CFAP46: variants seen among roughly 807,000 people sequenced by gnomAD.
CFAP46 encodes the protein cilia and flagella associated protein 46, also known as cilia- and flagella-associated protein 46.
Under a neutral mutation model 325.7 loss-of-function variants are expected in CFAP46, and 245 were observed. The observed-to-expected ratio is 0.75, with a 90% CI of 0.68 to 0.84. The LOEUF is 0.84. CFAP46 is among the 40% of genes least tolerant of loss of function. The probability of loss-of-function intolerance (pLI) is 0.00; values close to 1 mark genes in which losing one functional copy is unlikely to be tolerated. For synonymous variants in CFAP46, 1,523 were observed against 1,495.9 expected, an observed-to-expected ratio of 1.02 and a Z score of -0.42; for missense variants, 3,346 against 3,543.0, an observed-to-expected ratio of 0.94 and a Z score of 1.41.
chr10:132,909,441 G>T (rs750062955), intron 20 of CFAP46, among the ~76,000 whole-genome samples, 197 bp from the exon 21 acceptor site: 1 of 152,236 alleles, frequency 6.6e-6, no homozygotes, highest in East Asian at 1.9e-4. Context: ...CCCCAAGTCC[G>T]TGCGGCCCCC....
intron 4 of CFAP46, among the ~76,000 whole-genome samples, chr10:132,940,622 G>A (rs1850083136): frequency 6.6e-6 from 1 of 152,022 alleles, no homozygotes; most frequent in Non-Finnish European, 1.5e-5. Flanking sequence ...CTGTCATCCA[G>A]GCTGGAGTGC....
At position 132,887,605 on chromosome 10, in the gene CFAP46, T is replaced by TCC. The variant is rs766026352; in HGVS notation, c.3305-1648_3305-1647dup. 1.3e-4 allele frequency among the ~76,000 whole-genome samples: 3 copies of TCC among 23,294 alleles called. 1 individual carries two copies. The highest frequency in any genetic ancestry group is 1.1e-3 in the Admixed American group (2 of 1,788). The allele number at this position is 23,294 out of a possible 152,430, so 15.3% of individuals were successfully genotyped here. A position where few individuals can be genotyped will look rare whatever the true frequency, so the allele number is the denominator to read the frequency against. The stretch of plus-strand genomic sequence containing the variant: ...CTCTTCTCTCCTCTCCCTTCTTCTC[T>TCC]CCTCTCCTCTCTCCTCTTCTCTCCT... On this transcript the variant is annotated intron_variant, in intron 25 of 57. Transcript: ENST00000368586.
chr10:132,813,910 C>T (rs1466648349), intron 54 of CFAP46, among the ~76,000 whole-genome samples: 2 of 152,216 alleles, frequency 1.3e-5, no homozygotes, highest in African/African-American at 4.8e-5. Context: ...GCCCCTGCTG[C>T]TGGACCATGT....
intron 7 of CFAP46, 84 bp downstream of exon 7, chr10:132,936,877 C>T: frequency 1.4e-6 from 1 of 724,844 alleles, no homozygotes; most frequent in Non-Finnish European, 2.1e-6. Context: ...GGACACAGGA[C>T]CTCCCCCCAT....
chr10:132,917,219 A>G (rs1849653977), intron 16 of CFAP46, among the ~76,000 whole-genome samples: 1 of 152,270 alleles, frequency 6.6e-6, no homozygotes, highest in Non-Finnish European at 1.5e-5. Flanking sequence ...CTCAGCAGAC[A>G]TACTGCCTAA....
In CFAP46 at chr10:132,939,004, G is replaced by A. The variant is rs1264075373; in HGVS notation, c.372-251C>T. Reference sequence around the variant, plus strand: ...CCATGGCTCCAGCGCAGGCCCGGCTGTGATGACCCGGCCACAGGCTCCCGA... The same window carrying A: ...CCATGGCTCCAGCGCAGGCCCGGCTATGATGACCCGGCCACAGGCTCCCGA... On this transcript the variant is annotated intron_variant, in intron 4 of 57. Coordinates refer to ENST00000368586, the MANE Select transcript of CFAP46 (RefSeq NM_001200049.3). This position sits in a 1 kb window ranked among gnomAD's most constrained non-coding sequence, Gnocchi z 4.6. 1.3e-5 allele frequency among the ~76,000 whole-genome samples: 2 copies of A among 152,198 alleles called. No individual in the cohort carries two copies. The highest frequency in any genetic ancestry group is 4.8e-5 in the African/African-American group (2 of 41,446).
rs768156030 is a variant in CFAP46 at position 132,833,515 on chromosome 10, C to A, written c.6960G>T (p.Gln2320His). 6.2e-7 allele frequency: 1 copy of A among 1,613,756 alleles called. No individual in the cohort carries two copies. The highest frequency in any genetic ancestry group is 8.5e-7 in the Non-Finnish European group (1 of 1,179,730). ...GGACTATCTTATCGGCAACCTCAGG[C>A]TGGACTGTGCCTGGGAAACAGCAGT... Reference protein sequence around the residue: ...KTSTGQHSTVQPEVADKIVLV... With the variant: ...KTSTGQHSTVHPEVADKIVLV... Residue 2320 changes from glutamine to histidine, a missense_variant, in exon 50 of 58, where the codon CAG (glutamine) becomes CAT (histidine). Coordinates refer to ENST00000368586, the MANE Select transcript of CFAP46 (RefSeq NM_001200049.3).
intron 20 of CFAP46, among the ~76,000 whole-genome samples, chr10:132,909,658 C>T (rs1476623963): frequency 6.6e-6 from 1 of 152,246 alleles, no homozygotes; most frequent in Non-Finnish European, 1.5e-5. Context: ...GCCCTGGGCC[C>T]ACTCCTCCTT....
At chr10:132,911,943 A>G (rs1327854349) in intron 19 of CFAP46, among the ~76,000 whole-genome samples, 2 of 152,050 alleles carry the variant, frequency 1.3e-5, no homozygotes, top group Non-Finnish European at 2.9e-5. Context: ...ATTTCCCAGT[A>G]ACTGGAGCCC....
intron 27 of CFAP46, among the ~76,000 whole-genome samples, chr10:132,883,774 T>C (rs1849082175): frequency 6.6e-6 from 1 of 152,088 alleles, no homozygotes; most frequent in Non-Finnish European, 1.5e-5. Flanking sequence ...TAAACGGGAA[T>C]GATGGGGATG....
At chr10:132,907,584 C>T (rs1849474473) in intron 22 of CFAP46, among the ~76,000 whole-genome samples, 1 of 152,220 alleles carries the variant, frequency 6.6e-6, no homozygotes, top group Admixed American at 6.5e-5. Flanking sequence ...AAAATTACTT[C>T]AAAGCTGTAT....
intron 22 of CFAP46, among the ~76,000 whole-genome samples, chr10:132,904,598 C>T (rs1027772370): frequency 1.6e-4 from 25 of 152,344 alleles, no homozygotes; most frequent in Admixed American, 1.0e-3. Flanking sequence ...AGCAGTGGCA[C>T]GGCCAGGGCG....
intron 18 of CFAP46, 95 bp downstream of exon 18, chr10:132,912,951 C>CA: frequency 6.7e-7 from 1 of 1,490,916 alleles, no homozygotes. Context: ...TGCTGGGACA[C>CA]AGAGGGCCAT....
intron 17 of CFAP46, among the ~76,000 whole-genome samples, chr10:132,915,713 C>T (rs1849627892): frequency 6.6e-6 from 1 of 152,248 alleles, no homozygotes; most frequent in Non-Finnish European, 1.5e-5. Context: ...CTTGACGCAG[C>T]TGCATTGCAG....
chr10:132,814,126 CG>C, intron 54 of CFAP46, 25 bp downstream of exon 54: 1 of 1,595,600 alleles, frequency 6.3e-7, no homozygotes, highest in Non-Finnish European at 8.6e-7. Flanking sequence ...ACACTGCAAA[CG>C]GCTCCTGGGA....
chr10:132,925,218 G>A (rs1308299367), intron 10 of CFAP46, among the ~76,000 whole-genome samples: 1 of 152,232 alleles, frequency 6.6e-6, no homozygotes, highest in Non-Finnish European at 1.5e-5. Context: ...CCCCCAGAAT[G>A]CCTCCTCCGG....
intron 17 of CFAP46, among the ~76,000 whole-genome samples, chr10:132,914,093 G>C (rs1176544288): frequency 9.4e-6 from 1 of 106,706 alleles, no homozygotes; most frequent in Admixed American, 9.3e-5. Flanking sequence ...ACTGCACCCC[G>C]GCCCGAGGCT....
At chr10:132,843,083 C>T (rs147310414) in intron 44 of CFAP46, among the ~76,000 whole-genome samples, 1 of 152,248 alleles carries the variant, frequency 6.6e-6, no homozygotes, top group Admixed American at 6.5e-5. Context: ...GTCTTTTCTT[C>T]AGTCTGTTTC....
chr10:132,871,110 C>G (rs948673078), intron 32 of CFAP46, among the ~76,000 whole-genome samples: 5 of 152,170 alleles, frequency 3.3e-5, no homozygotes, highest in Non-Finnish European at 7.3e-5. Context: ...TACAACAAAG[C>G]CTGGTGACAG....
Sources: allele counts gnomAD v4.1 joint callset (sites outside exome capture counted in the v4.1 genomes callset), GRCh38; gene constraint gnomAD v4.1.1; non-coding constraint Gnocchi (gnomAD v3.1); transcripts MANE v1.5; gene names NCBI Gene and HGNC (gene_info 2026-07-23, HGNC 2026-07-21).